The following OPCML variants were observed in gnomAD, a reference collection of about 807,000 sequenced individuals.
OPCML encodes the protein opioid binding protein/cell adhesion molecule like.
Under a neutral mutation model 37.8 loss-of-function variants are expected in OPCML, and 13 were observed. That is an observed-to-expected ratio of 0.34 (90% confidence interval 0.22 to 0.55). The LOEUF (loss-of-function observed/expected upper bound fraction) is 0.55, where lower values mean the gene tolerates loss of function less well. OPCML is among the 20% of genes least tolerant of loss of function. The pLI, the probability that OPCML is intolerant of heterozygous loss-of-function variation, is 0.91. For synonymous variants in OPCML, 176 were observed against 168.8 expected (o/e 1.04, Z -0.33); for missense variants, 341 against 435.6 (o/e 0.78, Z 1.93).
intron 1 of OPCML, among the ~76,000 whole-genome samples, chr11:133,415,171 A>T (rs1945733237): frequency 6.6e-6 from 1 of 152,158 alleles, no homozygotes; most frequent in Non-Finnish European, 1.5e-5. Context: ...GCACTTTGGG[A>T]GGCCGAGGCG....
chr11:133,360,983 T>C (rs995661565), intron 1 of OPCML: 1 of 152,464 alleles, frequency 6.6e-6, no homozygotes, highest in Non-Finnish European at 1.5e-5. Context: ...GTCCTGGCAG[T>C]CCTACCCGCC....
intron 3 of OPCML, among the ~76,000 whole-genome samples, chr11:132,644,664 T>A (rs1941053864): frequency 6.6e-6 from 1 of 152,124 alleles, no homozygotes; most frequent in Non-Finnish European, 1.5e-5. Flanking sequence ...CCTGAAAACA[T>A]CAATCCTGTC....
chr11:132,506,078 G>T (rs954998970), intron 4 of OPCML, among the ~76,000 whole-genome samples: 23 of 152,090 alleles, frequency 1.5e-4, no homozygotes, highest in Admixed American at 1.3e-3. Context: ...ACCTCAGCTT[G>T]CTCTACTTCA....
Position 132,943,030 on chromosome 11 carries a change from C to G in OPCML, c.62-20G>C. The G allele has an allele frequency of 6.2e-7, 1 of 1,614,154 alleles. No homozygotes were observed. Among genetic ancestry groups the G allele is most frequent in the Non-Finnish European group, 8.5e-7 (1 of 1,180,010 alleles). On this transcript the variant is annotated intron_variant, in intron 1 of 7. Coordinates refer to ENST00000524381, the MANE Select transcript of OPCML (RefSeq NM_001012393.5). The surrounding 1 kb of genome is among the most constrained non-coding windows in gnomAD (Gnocchi z 4.3). Reference sequence around the variant, plus strand: ...GCACTCCTGTGGGTACAAGGAACAGCAGCCTGAGAGACACGACCACGAGGC... The same window carrying G: ...GCACTCCTGTGGGTACAAGGAACAGGAGCCTGAGAGACACGACCACGAGGC...
intron 7 of OPCML, among the ~76,000 whole-genome samples, chr11:132,430,461 T>C (rs1030621311): frequency 1.3e-5 from 2 of 152,312 alleles, no homozygotes; most frequent in African/African-American, 4.8e-5. Flanking sequence ...GTATATTTAT[T>C]CTAGAAGAAT....
intron 1 of OPCML, among the ~76,000 whole-genome samples, chr11:133,088,149 A>T (rs772315620): frequency 1.4e-4 from 22 of 152,200 alleles, no homozygotes; most frequent in Non-Finnish European, 2.5e-4. Context: ...ACAAAAGAGA[A>T]AGAGTACTAT....
At chr11:133,416,610 G>A (rs1205372670) in intron 1 of OPCML, among the ~76,000 whole-genome samples, 7 of 152,168 alleles carry the variant, frequency 4.6e-5, no homozygotes, top group Admixed American at 2.0e-4. Flanking sequence ...TTGAGAACAA[G>A]GATAGCTGTC....
chr11:133,492,597 G>A (rs1323984162), intron 1 of OPCML, among the ~76,000 whole-genome samples: 1 of 151,834 alleles, frequency 6.6e-6, no homozygotes, highest in Admixed American at 6.6e-5. Flanking sequence ...ACGTCCCAGG[G>A]TTGCAGAAGA....
chr11:133,033,222 G>T (rs1020115799), intron 1 of OPCML, among the ~76,000 whole-genome samples: 1 of 152,124 alleles, frequency 6.6e-6, no homozygotes, highest in African/African-American at 2.4e-5. Flanking sequence ...TTCACACAAG[G>T]CATTCTATTC....
chr11:133,022,589 A>G (rs1947474485), intron 1 of OPCML, among the ~76,000 whole-genome samples: 1 of 151,906 alleles, frequency 6.6e-6, no homozygotes, highest in Non-Finnish European at 1.5e-5. Flanking sequence ...ACTCATTCCA[A>G]CGCATTTTTT....
At chr11:133,514,537 G>T (rs564466800) in intron 1 of OPCML, among the ~76,000 whole-genome samples, 1 of 152,142 alleles carries the variant, frequency 6.6e-6, no homozygotes, top group Non-Finnish European at 1.5e-5. Flanking sequence ...TCCTGCCAAC[G>T]ACCCCTTTAG....
chr11:132,434,792 G>A (rs976969837), intron 7 of OPCML, among the ~76,000 whole-genome samples: 24 of 152,082 alleles, frequency 1.6e-4, no homozygotes, highest in South Asian at 4.2e-4. Flanking sequence ...GTAGGGTGAC[G>A]TCCCCACTGA....
intron 1 of OPCML, among the ~76,000 whole-genome samples, chr11:132,962,329 A>T (rs1327182259): frequency 3.3e-5 from 5 of 152,022 alleles, no homozygotes. Flanking sequence ...CTGCCTGCTC[A>T]CCCTCCCCCA....
Position 132,943,452 on chromosome 11 carries a change from A to T in OPCML, c.62-442T>A. The stretch of plus-strand genomic sequence containing the variant: ...CCTCTCTCTTCGAGACGCTACTTTA[A>T]GATTCAGTTGGGCACGTTCTGCAGA... On this transcript the variant is annotated intron_variant, in intron 1 of 7. Transcript: ENST00000524381. The surrounding 1 kb of genome is among the most constrained non-coding windows in gnomAD (Gnocchi z 4.3). 3.0e-6 allele frequency: 1 copy of T among 331,440 alleles called. No homozygotes were observed. The highest frequency in any genetic ancestry group is 5.7e-6 in the Non-Finnish European group (1 of 174,578). 20.5% of individuals were successfully genotyped at this position (331,440 alleles called of 1,614,324 possible). A position where few individuals can be genotyped will look rare whatever the true frequency, so the allele number is the denominator to read the frequency against.
chr11:132,441,165 G>GTTTTTTTTTTTATTTT (rs2096031987), intron 4 of OPCML, among the ~76,000 whole-genome samples: 1 of 72,402 alleles, frequency 1.4e-5, no homozygotes, highest in Non-Finnish European at 2.3e-5. Context: ...GGACTTTTTT[G>GTTTTTTTTTTTATTTT]TTTTTTTTTT....
At chr11:132,423,683 C>T (rs901902472) in intron 7 of OPCML, among the ~76,000 whole-genome samples, 1 of 152,206 alleles carries the variant, frequency 6.6e-6, no homozygotes, top group African/African-American at 2.4e-5. Context: ...CCTAACTTGG[C>T]CAAATGCTTT....
intron 3 of OPCML, among the ~76,000 whole-genome samples, chr11:132,557,451 AC>A (rs1334773739): frequency 5.3e-5 from 8 of 152,194 alleles, no homozygotes. Context: ...TCGGTGCCCA[AC>A]CCCCCTGCTC....
At chr11:133,107,358 G>C (rs139580976) in intron 1 of OPCML, among the ~76,000 whole-genome samples, 2 of 152,312 alleles carry the variant, frequency 1.3e-5, no homozygotes, top group African/African-American at 4.8e-5. Flanking sequence ...AAAACTGCCT[G>C]GACAGACGCT....
intron 1 of OPCML, among the ~76,000 whole-genome samples, chr11:133,484,336 T>C (rs1368163770): frequency 6.6e-6 from 1 of 152,108 alleles, no homozygotes; most frequent in Non-Finnish European, 1.5e-5. Flanking sequence ...GATGATAATG[T>C]CCCATGAATG....
Sources: gnomAD v4.1 joint callset for allele counts (sites outside exome capture counted in the v4.1 genomes callset) on GRCh38, gnomAD v4.1.1 for gene constraint, Gnocchi (gnomAD v3.1) non-coding constraint, MANE v1.5 for transcripts, NCBI Gene and HGNC (gene_info 2026-07-23, HGNC 2026-07-21) for gene names.